ARMC10: variants seen among roughly 807,000 people sequenced by gnomAD.
The protein encoded by ARMC10 is armadillo repeat-containing protein 10.
ARMC10 carries 23 observed loss-of-function variants against 30.2 expected under a neutral mutation model. The observed-to-expected ratio is 0.76, with a 90% CI of 0.55 to 1.08. The LOEUF (loss-of-function observed/expected upper bound fraction) is 1.08, where lower values mean the gene tolerates loss of function less well. Ranked by LOEUF, ARMC10 falls within the 50% of genes least tolerant of loss-of-function variation. The pLI is 0.00. For synonymous variants in ARMC10, 111 were observed against 164.4 expected (o/e 0.68, Z 2.48); for missense variants, 303 against 413.7 (o/e 0.73, Z 2.32).
At chr7:103,090,024 C>G (rs929253939) in intron 4 of ARMC10, among the ~76,000 whole-genome samples, 1 of 151,972 alleles carries the variant, frequency 6.6e-6, no homozygotes, top group African/African-American at 2.4e-5. Context: ...AGATTTCATC[C>G]AAAAGTTTCT....
chr7:103,092,486 A>C lies in ARMC10; in HGVS notation c.538A>C (p.Ser180Arg), dbSNP rs146105958. ...ENQIKIKIYI[S>R]QVCEDVFSGP... ...CCTCCCCTGCCTTCAGATATACATC[A>C]GTCAAGTATGTGAGGATGTCTTCTC... Residue 180 changes from serine to arginine, a missense_variant, in exon 5 of 7, where the codon AGT becomes CGT. Around this residue, in one of 4 missense-constraint regions of ARMC10, gnomAD observed 170 missense variants for 207.2 expected, o/e 0.82. Coordinates refer to ENST00000323716, the MANE Select transcript of ARMC10 (RefSeq NM_031905.5). 5.1e-6 allele frequency: 8 copies of C among 1,578,394 alleles called. No homozygotes were observed. The highest frequency in any genetic ancestry group is 6.9e-6 in the Non-Finnish European group (8 of 1,152,896).
In ARMC10 at chr7:103,077,395, T is replaced by A. The variant is rs527876725; in HGVS notation, c.244+1514T>A. Among the ~76,000 whole-genome samples, 27 of 152,162 alleles carry A rather than the reference T, an allele frequency of 1.8e-4. No individual in the cohort carries two copies. In the South Asian group the frequency reaches 5.4e-3, roughly 30 times the overall value. On this transcript the variant is annotated intron_variant, in intron 2 of 6. Transcript: ENST00000323716. ...CTGGGTAATTTATTAGGAAAGAAATTTATTTCTTAGAGTTATGGAAGCTGA... is the reference window on the plus strand; with the variant it reads ...CTGGGTAATTTATTAGGAAAGAAATATATTTCTTAGAGTTATGGAAGCTGA...
At chr7:103,083,099 T>C in intron 2 of ARMC10, 1 of 456,744 alleles carries the variant, frequency 2.2e-6, no homozygotes, top group Admixed American at 2.3e-5. Context: ...ACCTCGTTTT[T>C]AAAAGGAGAA....
intron 2 of ARMC10, among the ~76,000 whole-genome samples, chr7:103,079,723 A>G (rs180958109): frequency 1.3e-5 from 2 of 152,384 alleles, no homozygotes; most frequent in East Asian, 3.9e-4. Context: ...AACTTCTTGT[A>G]TACATGCAGT....
At position 103,078,689 on chromosome 7, in the gene ARMC10, C is replaced by T. The variant is rs145684638; in HGVS notation, c.244+2808C>T. 4.2e-3 allele frequency among the ~76,000 whole-genome samples: 643 copies of T among 151,752 alleles called. 11 individuals are homozygous for T. The highest frequency in any genetic ancestry group is 4.3e-3 in the Non-Finnish European group (289 of 67,916). On this transcript the variant is annotated intron_variant, in intron 2 of 6. Coordinates refer to ENST00000323716, the MANE Select transcript of ARMC10 (RefSeq NM_031905.5). ...GTTTTGTTTTTGTTTTTTTTTGAGACGGAGTCTTGCTCTGTTGCCCAGGCT... is the reference window on the plus strand; with the variant it reads ...GTTTTGTTTTTGTTTTTTTTTGAGATGGAGTCTTGCTCTGTTGCCCAGGCT...
intron 5 of ARMC10, 97 bp from the exon 6 acceptor site, chr7:103,097,180 A>G: frequency 9.9e-7 from 1 of 1,005,412 alleles, no homozygotes; most frequent in Non-Finnish European, 1.6e-6. Context: ...AAGCTTAGGC[A>G]GGACTTTAAC....
chr7:103,085,397 T>G (rs1800746724), intron 3 of ARMC10, among the ~76,000 whole-genome samples: 1 of 152,218 alleles, frequency 6.6e-6, no homozygotes, highest in Admixed American at 6.5e-5. Flanking sequence ...TTCTAAGAAG[T>G]AGATTTTGGC....
chr7:103,098,636 C>G lies in ARMC10; in HGVS notation c.*83C>G. On this transcript the variant is annotated 3_prime_UTR_variant, in exon 7 of 7. Transcript: ENST00000323716. ...CCTTATAAGGGGATTCTCCCAGCTG[C>G]TAAATTTAAACAGTAAATATCACAT... 6.7e-7 allele frequency: 1 copy of G among 1,494,394 alleles called. No homozygotes were observed. The highest frequency in any genetic ancestry group is 1.5e-5 in the South Asian group (1 of 68,762). The allele number at this position is 1,494,394 out of a possible 1,614,324, so 92.6% of individuals were successfully genotyped here.
At chr7:103,080,038 T>C (rs1800238391) in intron 2 of ARMC10, among the ~76,000 whole-genome samples, 1 of 152,192 alleles carries the variant, frequency 6.6e-6, no homozygotes, top group African/African-American at 2.4e-5. Context: ...CTTGATTTAC[T>C]GGAGGAGACC....
At chr7:103,087,764 C>T in intron 4 of ARMC10, 1 of 984,872 alleles carries the variant, frequency 1.0e-6, no homozygotes, top group Non-Finnish European at 1.2e-6. Flanking sequence ...ATAAAGACTT[C>T]CAGCCCAAAA....
chr7:103,092,265 G>A (rs1023761660), intron 4 of ARMC10, among the ~76,000 whole-genome samples: 5 of 149,916 alleles, frequency 3.3e-5, no homozygotes, highest in African/African-American at 1.2e-4. Flanking sequence ...CCCAGGAGGC[G>A]GAGCTTGCAG....
chr7:103,090,216 G>A (rs1801193302), intron 4 of ARMC10, among the ~76,000 whole-genome samples: 1 of 152,182 alleles, frequency 6.6e-6, no homozygotes, highest in Non-Finnish European at 1.5e-5. Flanking sequence ...GATATAATAA[G>A]GATGTAAACA....
At position 103,075,913 on chromosome 7, in the gene ARMC10, G is replaced by C. The variant is rs201511590; in HGVS notation, c.244+32G>C. The C allele has an allele frequency of 1.9e-4, 283 of 1,471,264 alleles. No individual in the cohort carries two copies. The Middle Eastern group carries it at 3.1e-3, about 16-fold the overall frequency. 91.1% of individuals were successfully genotyped at this position (1,471,264 alleles called of 1,614,324 possible). On this transcript the variant is annotated intron_variant, in intron 2 of 6. Transcript: ENST00000323716. ...GTTTTGGAAATGGGAACAGTTGTCT[G>C]CGCGAGACACACCCTCCCAGCGGAC...
At chr7:103,086,866 C>T (rs1337940927) in intron 4 of ARMC10, 102 bp downstream of exon 4, 1 of 1,540,974 alleles carries the variant, frequency 6.5e-7, no homozygotes, top group Non-Finnish European at 8.7e-7. Flanking sequence ...TGTAATTTTA[C>T]AGCCAAGGAT....
At chr7:103,075,705 A>AC in intron 1 of ARMC10, 72 bp from the exon 2 acceptor site, 2 of 1,179,842 alleles carry the variant, frequency 1.7e-6, no homozygotes, top group South Asian at 3.4e-5. Context: ...CCTTTGTGTA[A>AC]CTAAAGGGAT....
intron 2 of ARMC10, chr7:103,081,743 G>C (rs923460381): frequency 2.2e-5 from 8 of 360,346 alleles, no homozygotes; most frequent in Admixed American, 1.1e-4. Context: ...TCTCAAATAT[G>C]GATGAGTTAA....
In ARMC10 at chr7:103,087,869, TTACTA is replaced by T. The variant is rs1421556803; in HGVS notation, c.528+1107_528+1111del. On this transcript the variant is annotated intron_variant, in intron 4 of 6. Transcript: ENST00000323716. ...ATTTAATTTTCTACAGAATTACAGA[TTACTA>T]TGCTATGAAGCAAAAGCAGACCATT... 7 of 762,752 alleles carry T rather than the reference TTACTA, an allele frequency of 9.2e-6. No individual in the cohort carries two copies. The African/African-American group carries it at 1.1e-4, about 12-fold the overall frequency. 47.2% of individuals were successfully genotyped at this position (762,752 alleles called of 1,614,324 possible).
At chr7:103,091,526 A>G (rs1801331030) in intron 4 of ARMC10, among the ~76,000 whole-genome samples, 1 of 152,114 alleles carries the variant, frequency 6.6e-6, no homozygotes, top group South Asian at 2.1e-4. Flanking sequence ...ACCTAGGTAA[A>G]TAAGAACCTT....
At position 103,076,972 on chromosome 7, in the gene ARMC10, A is replaced by G. The variant is rs567228497; in HGVS notation, c.244+1091A>G. 4.6e-5 allele frequency among the ~76,000 whole-genome samples: 7 copies of G among 152,262 alleles called. No individual in the cohort carries two copies. The South Asian group carries it at 1.5e-3, about 32-fold the overall frequency. On this transcript the variant is annotated intron_variant, in intron 2 of 6. Transcript: ENST00000323716. ...GCGCAATCACAGCTGCAGCGGCGCAATCACAGCTGCAGCCTCCACTTCCCT... is the reference window on the plus strand; with the variant it reads ...GCGCAATCACAGCTGCAGCGGCGCAGTCACAGCTGCAGCCTCCACTTCCCT...
Sources: gnomAD v4.1 joint callset for allele counts (sites outside exome capture counted in the v4.1 genomes callset) on GRCh38, gnomAD v4.1.1 for gene constraint, gnomAD v4.1.1 regional missense constraint, MANE v1.5 for transcripts, NCBI Gene and HGNC (gene_info 2026-07-23, HGNC 2026-07-21) for gene names.